Variants in NFATC1 observed in about 807,000 individuals in gnomAD.
The protein encoded by NFATC1 is nuclear factor of activated T cells 1, also known as nuclear factor of activated T-cells, cytoplasmic 1.
In NFATC1, 22 loss-of-function variants were observed where a neutral mutation model predicts 76.0. The ratio of observed to expected loss-of-function variants is 0.29; its 90% CI spans 0.21 to 0.41. The LOEUF (loss-of-function observed/expected upper bound fraction) is 0.41, where lower values mean the gene tolerates loss of function less well. Among genes scored for constraint, NFATC1 ranks in the 10% least tolerant of loss-of-function variants. The pLI, the probability that NFATC1 is intolerant of heterozygous loss-of-function variation, is 1.00. For missense variants in NFATC1, 1,357 were observed against 1,337.7 expected (o/e 1.01, Z -0.23); for synonymous variants, 704 against 613.1 (o/e 1.15, Z -2.19).
At chr18:79,452,595 CAG>C (rs998311613) in intron 6 of NFATC1, among the ~76,000 whole-genome samples, 26 of 152,344 alleles carry the variant, frequency 1.7e-4, no homozygotes, top group African/African-American at 6.0e-4. Flanking sequence ...CGGCTCCGAG[CAG>C]AGTGTGTGAA....
At chr18:79,412,501 G>A (rs1392318459) in intron 2 of NFATC1, among the ~76,000 whole-genome samples, 11 of 151,528 alleles carry the variant, frequency 7.3e-5, no homozygotes, top group African/African-American at 1.9e-4. Flanking sequence ...CTCAGGGGGC[G>A]AGACCCCGCA....
At chr18:79,526,058 A>AC (rs1326057980) in intron 9 of NFATC1, among the ~76,000 whole-genome samples, 1 of 151,748 alleles carries the variant, frequency 6.6e-6, no homozygotes, top group African/African-American at 2.4e-5. Flanking sequence ...GGGACGTGCG[A>AC]CCCCCACACA....
intron 7 of NFATC1, among the ~76,000 whole-genome samples, chr18:79,467,221 AG>A (rs1389029100): frequency 1.3e-5 from 2 of 152,174 alleles, no homozygotes; most frequent in Non-Finnish European, 2.9e-5. Flanking sequence ...CAGAGCATCC[AG>A]GGCTGTCATC....
At chr18:79,514,394 G>A (rs1232153462) in intron 9 of NFATC1, among the ~76,000 whole-genome samples, 1 of 151,710 alleles carries the variant, frequency 6.6e-6, no homozygotes, top group Non-Finnish European at 1.5e-5. Flanking sequence ...GGGCAACATG[G>A]TGAAATCCCA....
At chr18:79,510,852 C>T (rs951529986) in intron 9 of NFATC1, among the ~76,000 whole-genome samples, 1 of 150,720 alleles carries the variant, frequency 6.6e-6, no homozygotes, top group East Asian at 1.9e-4. Flanking sequence ...CATCCTCTGC[C>T]GGGGCATCCT....
chr18:79,410,910 C>T lies in NFATC1; in HGVS notation c.635C>T (p.Pro212Leu). ...CCATGGCAGTCTCCCTGCGTGTCTC[C>T]CAAGACCACGGACCCCGAGGAGGGC... is the stretch of plus-strand genomic sequence containing the variant. ...TSPWQSPCVSPKTTDPEEGFP... is the reference protein window; with the variant it reads ...TSPWQSPCVSLKTTDPEEGFP... Residue 212 changes from proline to leucine, a missense_variant, in exon 2 of 10, where the codon CCC becomes CTC. By Grantham distance (98) the Pro-to-Leu change is moderately conservative (BLOSUM62 -3). This residue lies in a region of NFATC1 where 691 missense variants were observed against 613.1 expected (regional missense o/e 1.13). Coordinates refer to ENST00000427363, the MANE Select transcript of NFATC1 (RefSeq NM_001278669.2). This position sits in a 1 kb window ranked among gnomAD's most constrained non-coding sequence, Gnocchi z 6.7. 6.2e-7 allele frequency: 1 copy of T among 1,607,742 alleles called. No individual in the cohort carries two copies. The highest frequency in any genetic ancestry group is 8.5e-7 in the Non-Finnish European group (1 of 1,178,342).
chr18:79,528,289 C>G lies in NFATC1; in HGVS notation c.*712C>G, dbSNP rs1391041051. The G allele has an allele frequency of 5.0e-6, 1 of 199,274 alleles. No individual in the cohort carries two copies. The highest frequency in any genetic ancestry group is 1.0e-5 in the Non-Finnish European group (1 of 99,828). 12.3% of individuals were successfully genotyped at this position (199,274 alleles called of 1,614,324 possible). A position where few individuals can be genotyped will look rare whatever the true frequency, so the allele number is the denominator to read the frequency against. On this transcript the variant is annotated 3_prime_UTR_variant, in exon 10 of 10. Coordinates refer to ENST00000427363, the MANE Select transcript of NFATC1 (RefSeq NM_001278669.2). ...TTTTAATCTGGCTTCGAACATAGCA[C>G]AAGTAACTTGAATAGCACATCAATA...
At chr18:79,424,457 C>T (rs562342915) in intron 2 of NFATC1, among the ~76,000 whole-genome samples, 22 of 151,452 alleles carry the variant, frequency 1.5e-4, no homozygotes, top group Middle Eastern at 3.4e-3. Flanking sequence ...CGGAGAAATG[C>T]GCTGATCGTC....
chr18:79,478,684 G>A (rs2089169866), intron 8 of NFATC1, among the ~76,000 whole-genome samples: 1 of 152,212 alleles, frequency 6.6e-6, no homozygotes, highest in South Asian at 2.1e-4. Flanking sequence ...GGCTTGCCCA[G>A]CTCACTGCCT....
At chr18:79,482,987 C>T (rs1431075658) in intron 8 of NFATC1, among the ~76,000 whole-genome samples, 16 of 130,588 alleles carry the variant, frequency 1.2e-4, no homozygotes, top group Admixed American at 6.5e-4. Flanking sequence ...GTAATTCTAG[C>T]GTGACCTGGT....
At chr18:79,469,616 CT>C (rs2088690811) in intron 8 of NFATC1, 1 of 985,952 alleles carries the variant, frequency 1.0e-6, no homozygotes, top group Non-Finnish European at 1.2e-6. Flanking sequence ...CCTGCACCCC[CT>C]GCCCAGTGTC....
chr18:79,462,279 C>T (rs2088147526), intron 7 of NFATC1, among the ~76,000 whole-genome samples: 1 of 152,198 alleles, frequency 6.6e-6, no homozygotes, highest in East Asian at 1.9e-4. Flanking sequence ...TGGATCCTCT[C>T]TGACGCTGTC....
In NFATC1 at chr18:79,527,800, A is replaced by T; in HGVS notation, c.*223A>T. 1.7e-6 allele frequency: 1 copy of T among 581,070 alleles called. No individual in the cohort carries two copies. The highest frequency in any genetic ancestry group is 2.3e-5 in the South Asian group (1 of 43,332). 36.0% of individuals were successfully genotyped at this position (581,070 alleles called of 1,614,324 possible). On this transcript the variant is annotated 3_prime_UTR_variant, in exon 10 of 10. Transcript: ENST00000427363. The stretch of plus-strand genomic sequence containing the variant: ...CACCTGGAGGAGAAGTCATCTCATG[A>T]CAACAGAAGGGAGGTGGCCGGGCTG...
At chr18:79,523,124 A>G (rs184829965) in intron 9 of NFATC1, among the ~76,000 whole-genome samples, 49 of 152,344 alleles carry the variant, frequency 3.2e-4, no homozygotes, top group African/African-American at 9.6e-4. Context: ...GCAAGGAGCA[A>G]GCAGGTGCAC....
chr18:79,518,772 G>A (rs1230387658), intron 9 of NFATC1, among the ~76,000 whole-genome samples: 1 of 152,310 alleles, frequency 6.6e-6, no homozygotes, highest in South Asian at 2.1e-4. Context: ...AGCTGTGCCG[G>A]GTGCTCTGGA....
At chr18:79,446,394 C>G (rs1258721033) in intron 3 of NFATC1, among the ~76,000 whole-genome samples, 2 of 152,302 alleles carry the variant, frequency 1.3e-5, no homozygotes, top group East Asian at 3.9e-4. Context: ...GCCCCTCCCC[C>G]ACCCCCCGAG....
intron 2 of NFATC1, among the ~76,000 whole-genome samples, chr18:79,432,359 C>T (rs1032711674): frequency 2.0e-5 from 3 of 151,932 alleles, no homozygotes; most frequent in Non-Finnish European, 4.4e-5. Flanking sequence ...CCCTGGGTCT[C>T]TGCCCACACG....
chr18:79,454,154 C>T (rs1163592009), intron 6 of NFATC1, among the ~76,000 whole-genome samples: 2 of 152,142 alleles, frequency 1.3e-5, no homozygotes, highest in African/African-American at 4.8e-5. Flanking sequence ...GTCAGTAGGG[C>T]AGTTGAAGTG....
At chr18:79,479,304 C>G (rs1282704623) in intron 8 of NFATC1, among the ~76,000 whole-genome samples, 7 of 152,224 alleles carry the variant, frequency 4.6e-5, no homozygotes, top group Admixed American at 4.6e-4. Flanking sequence ...GAGCCCGGAA[C>G]ACGGGCAACA....
Sources: allele counts gnomAD v4.1 joint callset (sites outside exome capture counted in the v4.1 genomes callset), GRCh38; gene constraint gnomAD v4.1.1; regional missense constraint gnomAD v4.1.1; non-coding constraint Gnocchi (gnomAD v3.1); transcripts MANE v1.5; gene names NCBI Gene and HGNC (gene_info 2026-07-23, HGNC 2026-07-21).